Variants in SMARCA4 observed in about 807,000 individuals in gnomAD.
SMARCA4 encodes SWI/SNF related BAF chromatin remodeling complex subunit ATPase 4.
In SMARCA4, 31 loss-of-function variants were observed where a neutral mutation model predicts 193.9. The ratio of observed to expected loss-of-function variants is 0.16; its 90% CI spans 0.12 to 0.22. The LOEUF (loss-of-function observed/expected upper bound fraction) is 0.22. Ranked by LOEUF, SMARCA4 falls within the 10% of genes least tolerant of loss-of-function variation. The pLI is 1.00. For missense variants in SMARCA4, 1,148 were observed against 2,296.0 expected (o/e 0.50, Z 10.22); for synonymous variants, 942 against 933.1 (o/e 1.01, Z -0.17).
chr19:10,988,062 T>A, intron 6 of SMARCA4, 138 bp downstream of exon 6: 1 of 803,950 alleles, frequency 1.2e-6, no homozygotes, highest in Non-Finnish European at 2.0e-6. Flanking sequence ...ACCTCCTTCC[T>A]CACCTCCCTG....
chr19:11,047,269 G>A (rs1323107582), intron 30 of SMARCA4, among the ~76,000 whole-genome samples: 3 of 152,160 alleles, frequency 2.0e-5, no homozygotes, highest in Admixed American at 6.5e-5. Context: ...GCCAAGGTGG[G>A]CGGATCACTT....
At chr19:10,991,079 C>G (rs2145874956) in intron 7 of SMARCA4, 71 bp from the exon 8 acceptor site, 1 of 1,598,296 alleles carries the variant, frequency 6.3e-7, no homozygotes, top group Non-Finnish European at 8.5e-7. Context: ...TGTGACATCA[C>G]CATACGTGTT....
chr19:11,013,376 T>C (rs2089043863), intron 16 of SMARCA4, among the ~76,000 whole-genome samples: 1 of 152,222 alleles, frequency 6.6e-6, no homozygotes, highest in African/African-American at 2.4e-5. Flanking sequence ...TCCTCATCTC[T>C]TCTTCTTAGA....
intron 23 of SMARCA4, 122 bp downstream of exon 23, chr19:11,026,468 C>T (rs1052320834): frequency 1.7e-5 from 12 of 710,438 alleles, no homozygotes; most frequent in Admixed American, 2.3e-5. Context: ...TTAGAAAATA[C>T]AGAAGAATCC....
chr19:11,059,685 G>T, intron 32 of SMARCA4, 68 bp from the exon 33 acceptor site: 1 of 1,522,506 alleles, frequency 6.6e-7, no homozygotes, highest in Non-Finnish European at 8.9e-7. Flanking sequence ...GCTGGGGCTG[G>T]GGCCAGGGCC....
chr19:11,024,249 G>A (rs2090086179), intron 20 of SMARCA4, 82 bp from the exon 21 acceptor site: 13 of 921,026 alleles, frequency 1.4e-5, no homozygotes, highest in Admixed American at 1.7e-5. Context: ...ACAGGGCCGA[G>A]GGGGTCAGAG....
chr19:11,019,582 C>G lies in SMARCA4; in HGVS notation c.2506-9C>G. 6.3e-7 allele frequency: 1 copy of G among 1,595,772 alleles called. No homozygotes were observed. The highest frequency in any genetic ancestry group is 1.1e-5 in the South Asian group (1 of 89,546). On this transcript the variant is annotated splice_polypyrimidine_tract_variant and intron_variant, in intron 17 of 34. Transcript: ENST00000344626. This position sits in a 1 kb window ranked among gnomAD's most constrained non-coding sequence, Gnocchi z 6.1. ...AAAAGCCGAGCTGTGCATCCTGCTT[C>G]CCTTGCAGGGATCCCCAGCAGCAAG...
chr19:11,021,501 T>C lies in SMARCA4; in HGVS notation c.2617-224T>C, dbSNP rs587777971. The C allele has an allele frequency of 1.5e-6, 1 of 677,026 alleles. No individual in the cohort carries two copies. Among genetic ancestry groups the C allele is most frequent in the Non-Finnish European group, 2.7e-6 (1 of 368,668 alleles). 41.9% of individuals were successfully genotyped at this position (677,026 alleles called of 1,614,324 possible). On this transcript the variant is annotated intron_variant, in intron 18 of 34. Coordinates refer to ENST00000344626, the MANE Select transcript of SMARCA4 (RefSeq NM_003072.5). ...TGCATTGTTCACCTGCCAATAGTCATGGGGTCACGGGCCTGTCTCTGCCCA... is the reference window on the plus strand; with the variant it reads ...TGCATTGTTCACCTGCCAATAGTCACGGGGTCACGGGCCTGTCTCTGCCCA...
chr19:11,021,681 C>T lies in SMARCA4; in HGVS notation c.2617-44C>T, dbSNP rs1239153122. The T allele has an allele frequency of 3.2e-6, 5 of 1,575,662 alleles. No individual in the cohort carries two copies. The Admixed American group carries it at 9.3e-5, about 29-fold the overall frequency. On this transcript the variant is annotated intron_variant, in intron 18 of 34. Coordinates refer to ENST00000344626, the MANE Select transcript of SMARCA4 (RefSeq NM_003072.5). ...GGGAGATTCTCCCCATGTGCCGGGC[C>T]ACCTGCTGCCCCCTGCCCTGATTGC...
chr19:10,973,486 C>T (rs1460353646), intron 1 of SMARCA4, among the ~76,000 whole-genome samples: 3 of 151,922 alleles, frequency 2.0e-5, no homozygotes, highest in South Asian at 4.1e-4. Flanking sequence ...CTGCAAGCTC[C>T]GCCTACCAGG....
chr19:10,989,244 C>A (rs2145843270), intron 6 of SMARCA4, 73 bp from the exon 7 acceptor site: 1 of 1,586,182 alleles, frequency 6.3e-7, no homozygotes, highest in Non-Finnish European at 8.6e-7. Context: ...GGGATGGGTC[C>A]CCTGCAGCTC....
Position 10,987,719 on chromosome 19 carries a change from C to A in SMARCA4, c.913C>A (p.Pro305Thr), listed in dbSNP as rs1481438921. The A allele has an allele frequency of 1.2e-6, 2 of 1,610,818 alleles. No homozygotes were observed. The highest frequency in any genetic ancestry group is 2.2e-5 in the East Asian group (1 of 44,828). The change falls in exon 6 of 35, where the codon CCG (proline) becomes ACG (threonine). Residue 305 changes from proline to threonine, a missense_variant. Pro to Thr is a conservative substitution (Grantham distance 38). Transcript: ENST00000344626. The surrounding 1 kb of genome is among the most constrained non-coding windows in gnomAD (Gnocchi z 5.3). ...GAGCACCCCTCAGAAGCTGATTCCC[C>A]CGCAGCCAACGGGCCGCCCTTCCCC... ...PTSTPQKLIP[P>T]QPTGRPSPAP... is the part of the protein sequence containing the mutation.
rs35017701 is a variant in SMARCA4, at chr19:11,026,497, C to CT, written c.3215+170dup. ...AGAATCCAAAGCAAATAATACAAATCTTTTTTTTTTTTTTTTTTTGAGGTG... is the reference window on the plus strand; with the variant it reads ...AGAATCCAAAGCAAATAATACAAATCTTTTTTTTTTTTTTTTTTTTGAGGTG... On this transcript the variant is annotated intron_variant, in intron 23 of 34. Transcript: ENST00000344626. The CT allele has an allele frequency of 0.2, 80,629 of 409,988 alleles. 3,253 individuals carry two copies. The highest frequency in any genetic ancestry group is 0.22 in the Non-Finnish European group (50,395 of 226,456). 25.4% of individuals were successfully genotyped at this position (409,988 alleles called of 1,614,324 possible). A position where few individuals can be genotyped will look rare whatever the true frequency, so the allele number is the denominator to read the frequency against.
chr19:11,028,026 C>T (rs2146550131), intron 24 of SMARCA4, 76 bp downstream of exon 24: 2 of 1,493,450 alleles, frequency 1.3e-6, no homozygotes, highest in South Asian at 2.3e-5. Context: ...CACTGGCATT[C>T]CCTCCTGTGA....
Position 10,966,615 on chromosome 19 carries a change from G to A in SMARCA4, c.-32+5441G>A, listed in dbSNP as rs1000734811. Among the ~76,000 whole-genome samples the A allele has an allele frequency of 3.5e-5, 5 of 144,306 alleles. No homozygotes were observed. In the East Asian group the frequency reaches 1.1e-3, roughly 31 times the overall value. 94.7% of individuals were successfully genotyped at this position (144,306 alleles called of 152,430 possible). A position where few individuals can be genotyped will look rare whatever the true frequency, so the allele number is the denominator to read the frequency against. On this transcript the variant is annotated intron_variant, in intron 1 of 34. Transcript: ENST00000344626. ...AAAAGCCGGGGGTTGGGCTGGGCGC[G>A]GTGGCTCATGCCTGTATTCCTAGCA... is the stretch of plus-strand genomic sequence containing the variant.
chr19:10,989,806 ATTC>A (rs2086399258), intron 7 of SMARCA4, among the ~76,000 whole-genome samples: 1 of 151,622 alleles, frequency 6.6e-6, no homozygotes, highest in South Asian at 2.1e-4. Context: ...GGATCAAGCA[ATTC>A]TTCTGCTTCA....
intron 20 of SMARCA4, among the ~76,000 whole-genome samples, chr19:11,023,956 C>T (rs1391731487): frequency 2.6e-5 from 4 of 152,224 alleles, no homozygotes; most frequent in Non-Finnish European, 4.4e-5. Flanking sequence ...CCCATCATGG[C>T]TCTGGGTTTT....
intron 30 of SMARCA4, among the ~76,000 whole-genome samples, chr19:11,052,447 G>C (rs1479858664): frequency 1.3e-5 from 2 of 152,152 alleles, no homozygotes; most frequent in Admixed American, 6.5e-5. Flanking sequence ...GGGGCTCCAG[G>C]GGGTGTGAAG....
intron 22 of SMARCA4, chr19:11,025,719 G>A (rs2090205634): frequency 3.6e-6 from 2 of 557,918 alleles, no homozygotes; most frequent in East Asian, 3.3e-5. Flanking sequence ...GGAATATAGG[G>A]CCCTGAAAGC....
Sources: allele counts gnomAD v4.1 joint callset (sites outside exome capture counted in the v4.1 genomes callset), GRCh38; gene constraint gnomAD v4.1.1; non-coding constraint Gnocchi (gnomAD v3.1); transcripts MANE v1.5; gene names NCBI Gene and HGNC (gene_info 2026-07-23, HGNC 2026-07-21).